Variants in PRKD1 observed in about 807,000 individuals in gnomAD.
PRKD1 encodes protein kinase D1.
PRKD1 carries 63 observed loss-of-function variants against 95.9 expected under a neutral mutation model. That is an observed-to-expected ratio of 0.66 (90% CI 0.54 to 0.81). PRKD1 has a LOEUF of 0.81. Ranked by LOEUF, PRKD1 falls within the 30% of genes least tolerant of loss-of-function variation. The pLI is 0.00. For synonymous variants in PRKD1, 425 were observed against 423.1 expected (o/e 1.00, Z -0.05); for missense variants, 1,048 against 1,165.3 (o/e 0.90, Z 1.47).
intron 1 of PRKD1, among the ~76,000 whole-genome samples, chr14:29,869,309 G>T (rs911320066): frequency 1.3e-5 from 2 of 152,036 alleles, no homozygotes; most frequent in Non-Finnish European, 2.9e-5. Flanking sequence ...TGGGCATGGT[G>T]CCACGTGCCT....
chr14:29,763,876 T>C (rs1177223004), intron 1 of PRKD1, among the ~76,000 whole-genome samples: 1 of 152,192 alleles, frequency 6.6e-6, no homozygotes, highest in Non-Finnish European at 1.5e-5. Flanking sequence ...ATACTATCTG[T>C]TTGATTTTGG....
intron 1 of PRKD1, among the ~76,000 whole-genome samples, chr14:29,853,305 G>A (rs1234768771): frequency 6.6e-6 from 1 of 152,190 alleles, no homozygotes; most frequent in Admixed American, 6.5e-5. Context: ...GCACTTCTGT[G>A]CACCCTATTT....
At chr14:29,591,772 C>T (rs571011852) in intron 16 of PRKD1, among the ~76,000 whole-genome samples, 3 of 152,250 alleles carry the variant, frequency 2.0e-5, no homozygotes, top group South Asian at 4.1e-4. Context: ...CTGCGACCTA[C>T]TTCTTAACTC....
intron 2 of PRKD1, among the ~76,000 whole-genome samples, chr14:29,673,657 GTAGT>G (rs987149417): frequency 3.3e-5 from 5 of 152,166 alleles, no homozygotes; most frequent in African/African-American, 9.7e-5. Flanking sequence ...ATTAATTCTC[GTAGT>G]TAAACATGTT....
chr14:29,636,247 CT>C (rs1443169143), intron 7 of PRKD1, 42 bp downstream of exon 7: 1 of 1,608,022 alleles, frequency 6.2e-7, no homozygotes, highest in Non-Finnish European at 8.5e-7. Flanking sequence ...AAAATACTGC[CT>C]GGGGTTCCCC....
chr14:29,719,546 T>C (rs1885784256), intron 2 of PRKD1, among the ~76,000 whole-genome samples: 1 of 152,180 alleles, frequency 6.6e-6, no homozygotes, highest in Non-Finnish European at 1.5e-5. Context: ...GGTATTGAAA[T>C]GGTATTAATA....
At chr14:29,895,680 C>T (rs932614219) in intron 1 of PRKD1, among the ~76,000 whole-genome samples, 1 of 152,168 alleles carries the variant, frequency 6.6e-6, no homozygotes, top group African/African-American at 2.4e-5. Flanking sequence ...CTGGCAGCCT[C>T]GCTGCTGTCC....
In PRKD1 at chr14:29,778,693, G is replaced by A. The variant is rs543382097; in HGVS notation, c.265-53019C>T. On this transcript the variant is annotated intron_variant, in intron 1 of 17. Coordinates refer to ENST00000331968, the MANE Select transcript of PRKD1 (RefSeq NM_002742.3). ...TCCAGGACCAGATGGATTCACAGCC[G>A]AATTCTACCAGAGGTACAAGGAGGA... Among the ~76,000 whole-genome samples the A allele has an allele frequency of 2.8e-4, 43 of 152,230 alleles. 1 individual carries two copies. The highest frequency in any genetic ancestry group is 9.2e-4 in the Admixed American group (14 of 15,300).
chr14:29,659,087 A>T (rs1882051789), intron 4 of PRKD1, among the ~76,000 whole-genome samples: 1 of 152,162 alleles, frequency 6.6e-6, no homozygotes, highest in South Asian at 2.1e-4. Context: ...CATGTGCATA[A>T]ACCCATGTAA....
chr14:29,730,165 T>C (rs936016270), intron 1 of PRKD1, among the ~76,000 whole-genome samples: 1 of 152,024 alleles, frequency 6.6e-6, no homozygotes, highest in Non-Finnish European at 1.5e-5. Flanking sequence ...AGGATCTGAA[T>C]AGACATGTCT....
At chr14:29,599,231 C>T (rs1893422647) in intron 14 of PRKD1, 106 bp from the exon 15 acceptor site, 2 of 926,930 alleles carry the variant, frequency 2.2e-6, no homozygotes, top group African/African-American at 1.7e-5. Flanking sequence ...ATTCAAATTT[C>T]TTTATGTTAA....
At chr14:29,720,670 C>T (rs902350170) in intron 2 of PRKD1, among the ~76,000 whole-genome samples, 9 of 151,908 alleles carry the variant, frequency 5.9e-5, no homozygotes, top group African/African-American at 2.2e-4. Context: ...ATCCCAGCTA[C>T]TCCAGAGGCT....
At chr14:29,847,759 G>A (rs2139330872) in intron 1 of PRKD1, among the ~76,000 whole-genome samples, 1 of 152,172 alleles carries the variant, frequency 6.6e-6, no homozygotes, top group Middle Eastern at 3.4e-3. Flanking sequence ...CCTATGCTAT[G>A]TTCTTGAAGG....
At chr14:29,830,799 C>A (rs371623519) in intron 1 of PRKD1, among the ~76,000 whole-genome samples, 110 of 151,874 alleles carry the variant, frequency 7.2e-4, no homozygotes, top group African/African-American at 2.6e-3. Context: ...CTCAAGAGAT[C>A]CTCTCACCAT....
At chr14:29,787,143 G>T (rs188199265) in intron 1 of PRKD1, among the ~76,000 whole-genome samples, 1 of 150,050 alleles carries the variant, frequency 6.7e-6, no homozygotes, top group East Asian at 2.0e-4. Flanking sequence ...AGTTTCCAAA[G>T]TGCCTCTTGG....
In PRKD1 at chr14:29,909,796, G is replaced by C. The variant is rs142269294; in HGVS notation, c.264+17453C>G. Among the ~76,000 whole-genome samples, 100 of 152,158 alleles carry C rather than the reference G, an allele frequency of 6.6e-4. 3 individuals carry two copies. The Middle Eastern group carries it at 0.01, about 16-fold the overall frequency. ...TGGAGAATCTTTACGTCTAGCTAAA[G>C]GATTGTAAACACACCAATCAGCACC... On this transcript the variant is annotated intron_variant, in intron 1 of 17. Coordinates refer to ENST00000331968, the MANE Select transcript of PRKD1 (RefSeq NM_002742.3).
intron 13 of PRKD1, among the ~76,000 whole-genome samples, chr14:29,607,606 TCC>T (rs1193109366): frequency 2.0e-5 from 3 of 152,138 alleles, no homozygotes; most frequent in African/African-American, 7.2e-5. Flanking sequence ...ATGATGTTGC[TCC>T]CCACATCTAA....
intron 1 of PRKD1, among the ~76,000 whole-genome samples, chr14:29,841,778 C>T (rs2139317954): frequency 1.3e-5 from 2 of 152,030 alleles, no homozygotes; most frequent in Middle Eastern, 3.4e-3. Flanking sequence ...TTAATCTTTC[C>T]TTACTGTGAC....
intron 15 of PRKD1, 78 bp downstream of exon 15, chr14:29,598,949 T>TG: frequency 8.5e-7 from 1 of 1,178,500 alleles, no homozygotes; most frequent in Non-Finnish European, 1.2e-6. Flanking sequence ...AAGGGAAAAA[T>TG]GGAAGGTGAC....
Sources: gnomAD v4.1 joint callset for allele counts (sites outside exome capture counted in the v4.1 genomes callset) on GRCh38, gnomAD v4.1.1 for gene constraint, MANE v1.5 for transcripts, NCBI Gene and HGNC (gene_info 2026-07-23, HGNC 2026-07-21) for gene names.